Variants in FTSJ3 observed in about 807,000 individuals in gnomAD.
FTSJ3 encodes the protein FtsJ RNA 2'-O-methyltransferase 3.
A neutral mutation model predicts 111.5 loss-of-function variants in FTSJ3; 46 were observed. The ratio of observed to expected loss-of-function variants is 0.41; its 90% CI spans 0.33 to 0.53. FTSJ3 has a LOEUF of 0.53. Among genes scored for constraint, FTSJ3 ranks in the 20% least tolerant of loss-of-function variants. The pLI is 0.19. For synonymous variants in FTSJ3, 408 were observed against 383.0 expected, an observed-to-expected ratio of 1.07 and a Z score of -0.76; for missense variants, 1,075 against 1,063.8, an observed-to-expected ratio of 1.01 and a Z score of -0.15.
In FTSJ3 at chr17:63,819,681, CTG is replaced by C. The variant is rs2040027335; in HGVS notation, c.*119_*120del. On this transcript the variant is annotated 3_prime_UTR_variant, in exon 21 of 21. Coordinates refer to ENST00000427159, the MANE Select transcript of FTSJ3 (RefSeq NM_017647.4). ...CGGGAGTTCTAGGCACTCCACCTCA[CTG>C]TTCTTCAGACAGCTGTGATGTGAGC... is the stretch of plus-strand genomic sequence containing the variant. 2 of 940,744 alleles carry C rather than the reference CTG, an allele frequency of 2.1e-6. No homozygotes were observed. The highest frequency in any genetic ancestry group is 1.6e-5 in the African/African-American group (1 of 60,952). 58.3% of individuals were successfully genotyped at this position (940,744 alleles called of 1,614,324 possible).
chr17:63,822,197 TATTTAAAAGGAA>T, intron 13 of FTSJ3, 29 bp from the exon 14 acceptor site: 1 of 1,597,310 alleles, frequency 6.3e-7, no homozygotes, highest in Middle Eastern at 1.7e-4. Flanking sequence ...AAAGGTAAAC[TATTTAAAAGGAA>T]ATATACTGTT....
chr17:63,824,294 C>T, intron 11 of FTSJ3, 37 bp downstream of exon 11: 1 of 1,614,132 alleles, frequency 6.2e-7, no homozygotes, highest in Non-Finnish European at 8.5e-7. Flanking sequence ...CCCCTGGACA[C>T]CCAGTCCACA....
In FTSJ3 at chr17:63,820,932, T is replaced by C. The variant is rs200808492; in HGVS notation, c.1979A>G (p.His660Arg). 7.4e-5 allele frequency: 119 copies of C among 1,613,994 alleles called. No individual in the cohort carries two copies. Among genetic ancestry groups the C allele is most frequent in the Non-Finnish European group, 9.2e-5 (109 of 1,179,952 alleles). Residue 660 changes from histidine to arginine, a missense_variant, in exon 18 of 21, where the codon CAT (histidine) becomes CGT (arginine). Physicochemically the swap from His to Arg is conservative, Grantham distance 29. Transcript: ENST00000427159. ...AAGGCCTTCGGGGTCCAGTATCCGATGTTTCGCTAGAGAGGGAAGGAGAAA... is the reference window on the plus strand; with the variant it reads ...AAGGCCTTCGGGGTCCAGTATCCGACGTTTCGCTAGAGAGGGAAGGAGAAA... ...EIVPIEDPAK[H>R]RILDPEGLAL...
chr17:63,824,548 C>T, intron 10 of FTSJ3, 89 bp downstream of exon 10: 1 of 1,424,928 alleles, frequency 7.0e-7, no homozygotes, highest in Non-Finnish European at 9.9e-7. Flanking sequence ...AAACCTTTAG[C>T]ACAGCAATAT....
At position 63,821,806 on chromosome 17, in the gene FTSJ3, C is replaced by T. The variant is rs761475887; in HGVS notation, c.1513G>A (p.Glu505Lys). The change falls in exon 15 of 21, where the codon GAG (glutamate) becomes AAG (lysine). Residue 505 changes from glutamate to lysine, a missense_variant. Physicochemically the swap from Glu to Lys is moderately conservative, Grantham distance 56 (BLOSUM62 1). Around this residue, in one of 2 missense-constraint regions of FTSJ3, gnomAD observed 867 missense variants for 796.9 expected, o/e 1.09. Transcript: ENST00000427159. ...LTEVQDDKEE[E>K]EEENPLLVPL... ...ACCAGCAGTGGATTCTCCTCCTCCTCCTCCTCTTTATCATCTTGCACTTCA... is the reference window on the plus strand; with the variant it reads ...ACCAGCAGTGGATTCTCCTCCTCCTTCTCCTCTTTATCATCTTGCACTTCA... 9.0e-5 allele frequency: 145 copies of T among 1,614,066 alleles called. No homozygotes were observed. Among genetic ancestry groups the T allele is most frequent in the Admixed American group, 1.7e-4 (10 of 60,012 alleles).
chr17:63,823,964 G>A lies in FTSJ3; in HGVS notation c.1155-12C>T. 3 of 1,614,142 alleles carry A rather than the reference G, an allele frequency of 1.9e-6. No individual in the cohort carries two copies. Among genetic ancestry groups the A allele is most frequent in the Non-Finnish European group, 2.5e-6 (3 of 1,180,022 alleles). On this transcript the variant is annotated splice_polypyrimidine_tract_variant and intron_variant, in intron 12 of 20. Transcript: ENST00000427159. ...GCTTCTTTTTCTTCCTGAGGGGGTG[G>A]ATTGAGGGAGTAAAACCGGCCCAGC...
Position 63,826,688 on chromosome 17 carries a change from A to G in FTSJ3, c.68-16T>C. On this transcript the variant is annotated splice_polypyrimidine_tract_variant and intron_variant, in intron 2 of 20. Transcript: ENST00000427159. ...GAACGGTAACCTGGACAAAACAACC[A>G]AGTGCGCAAACTGCTTCACTAGTAG... 1 of 1,605,294 alleles carries G rather than the reference A, an allele frequency of 6.2e-7. No homozygotes were observed. Among genetic ancestry groups the G allele is most frequent in the East Asian group, 2.2e-5 (1 of 44,828 alleles).
intron 5 of FTSJ3, chr17:63,825,841 A>G (rs565809368): frequency 3.3e-4 from 206 of 629,950 alleles, no homozygotes; most frequent in Non-Finnish European, 4.8e-4. Flanking sequence ...AGACTTCACT[A>G]AAGATCTCTG....
Position 63,819,850 on chromosome 17 carries a change from T to G in FTSJ3, c.2496A>C (p.Gln832His). Residue 832 changes from glutamine (Q) to histidine (H), a missense_variant, in exon 21 of 21, where the codon CAA becomes CAC. By Grantham distance (24) the Gln-to-His change is conservative (BLOSUM62 0). Transcript: ENST00000427159. ...TTTGTTCCTTACGTTGCTGTGCTCT[T>G]TGGTCCTTCTTCATCCTTGAGTCCA... ...KVVDSRMKKDQRAQQRKEQKK... is the reference protein window; with the variant it reads ...KVVDSRMKKDHRAQQRKEQKK... 6.2e-7 allele frequency: 1 copy of G among 1,614,186 alleles called. No individual in the cohort carries two copies. The highest frequency in any genetic ancestry group is 2.2e-5 in the East Asian group (1 of 44,878).
chr17:63,823,370 CAGATCA>C (rs1013460915), intron 13 of FTSJ3, among the ~76,000 whole-genome samples: 16 of 152,138 alleles, frequency 1.1e-4, no homozygotes, highest in African/African-American at 3.9e-4. Context: ...CCGAGGTGGG[CAGATCA>C]CGAGGTCAGG....
intron 16 of FTSJ3, 35 bp from the exon 17 acceptor site, chr17:63,821,150 A>G (rs764408305): frequency 6.3e-7 from 1 of 1,598,118 alleles, no homozygotes; most frequent in Non-Finnish European, 8.6e-7. Flanking sequence ...TGATTCCACC[A>G]CTCTGTACTA....
At position 63,820,831 on chromosome 17, in the gene FTSJ3, C is replaced by A; in HGVS notation, c.2072+8G>T. The A allele has an allele frequency of 6.2e-7, 1 of 1,603,286 alleles. No individual in the cohort carries two copies. The highest frequency in any genetic ancestry group is 8.5e-7 in the Non-Finnish European group (1 of 1,170,280). On this transcript the variant is annotated splice_region_variant and intron_variant, in intron 18 of 20. Transcript: ENST00000427159. Reference sequence around the variant, plus strand: ...GGGTCACTCTTGATGAGTTTATGGCCCCTTTACCGGTTGAAGGAGTTATCT... The same window carrying A: ...GGGTCACTCTTGATGAGTTTATGGCACCTTTACCGGTTGAAGGAGTTATCT...
At chr17:63,820,038 C>A in intron 20 of FTSJ3, 41 bp downstream of exon 20, 4 of 1,613,892 alleles carry the variant, frequency 2.5e-6, no homozygotes, top group Non-Finnish European at 3.4e-6. Context: ...CTTTCTGCTG[C>A]ACTTTTAGCC....
chr17:63,824,334 A>G lies in FTSJ3; in HGVS notation c.995T>C (p.Ile332Thr). Reference sequence around the variant, plus strand: ...CCTCGCTGCGTTCTCTCCTCACCTGATGTCCAGTGCCTTTGCTTGTTCTTT... The same window carrying G: ...CCTCGCTGCGTTCTCTCCTCACCTGGTGTCCAGTGCCTTTGCTTGTTCTTT... ...KLKEQAKALD[I>T]SLSSGEEDEG... The change falls in exon 11 of 21, where the codon ATC becomes ACC. Residue 332 changes from isoleucine (I) to threonine (T), a missense_variant. Ile to Thr is a moderately conservative substitution (Grantham distance 89). Transcript: ENST00000427159. The G allele has an allele frequency of 1.2e-6, 2 of 1,614,048 alleles. No individual in the cohort carries two copies. The highest frequency in any genetic ancestry group is 1.7e-6 in the Non-Finnish European group (2 of 1,179,982).
At position 63,823,934 on chromosome 17, in the gene FTSJ3, C is replaced by T. The variant is rs1484804686; in HGVS notation, c.1173G>A (p.Leu391=). 1 of 1,614,110 alleles carries T rather than the reference C, an allele frequency of 6.2e-7. No individual in the cohort carries two copies. The highest frequency in any genetic ancestry group is 8.5e-7 in the Non-Finnish European group (1 of 1,180,046). ...AELKRKKKKL[L]REQRKQRERV... ...GCTCCCGCTGCTTTCTCTGCTCACG[C>T]AACAGCTTCTTTTTCTTCCTGAGGG... The change falls in exon 13 of 21, where the codon TTG becomes TTA. Residue 391 remains leucine, a synonymous_variant. Transcript: ENST00000427159.
intron 10 of FTSJ3, 84 bp from the exon 11 acceptor site, chr17:63,824,495 C>T (rs932871367): frequency 7.0e-5 from 106 of 1,507,814 alleles, no homozygotes; most frequent in Admixed American, 1.7e-4. Context: ...ACCCACCTTT[C>T]GGGCTTCGGC....
At chr17:63,822,270 A>G in intron 13 of FTSJ3, 102 bp from the exon 14 acceptor site, 1 of 946,018 alleles carries the variant, frequency 1.1e-6, no homozygotes, top group Non-Finnish European at 1.6e-6. Flanking sequence ...ACTAGAAAGA[A>G]CACTGGCAAA....
intron 13 of FTSJ3, among the ~76,000 whole-genome samples, chr17:63,823,228 T>G (rs980297231): frequency 6.6e-6 from 1 of 152,250 alleles, no homozygotes; most frequent in Admixed American, 6.5e-5. Flanking sequence ...TCTATTCATC[T>G]GTGCTTGAAA....
intron 16 of FTSJ3, 94 bp downstream of exon 16, chr17:63,821,260 C>G: frequency 6.7e-7 from 1 of 1,497,952 alleles, no homozygotes; most frequent in Non-Finnish European, 9.2e-7. Flanking sequence ...TTTAACCCTC[C>G]CCATGTGCAG....
Sources: allele counts gnomAD v4.1 joint callset (sites outside exome capture counted in the v4.1 genomes callset), GRCh38; gene constraint gnomAD v4.1.1; regional missense constraint gnomAD v4.1.1; transcripts MANE v1.5; gene names NCBI Gene and HGNC (gene_info 2026-07-23, HGNC 2026-07-21).